The following RPS6KA2 variants were observed in gnomAD, a reference collection of about 807,000 sequenced individuals.
The protein encoded by RPS6KA2 is ribosomal protein S6 kinase alpha-2.
RPS6KA2 carries 42 observed loss-of-function variants against 91.8 expected under a neutral mutation model. The observed-to-expected ratio is 0.46, with a 90% CI of 0.36 to 0.59. The LOEUF is 0.59. RPS6KA2 is among the 20% of genes least tolerant of loss of function. The pLI is 0.00. For missense variants in RPS6KA2, 798 were observed against 978.5 expected, an observed-to-expected ratio of 0.82 and a Z score of 2.46; for synonymous variants, 414 against 393.6, an observed-to-expected ratio of 1.05 and a Z score of -0.61.
At position 166,715,476 on chromosome 6, in the gene RPS6KA2, C is replaced by T. The variant is rs114730455; in HGVS notation, c.123+142724G>A. 6.4e-3 allele frequency among the ~76,000 whole-genome samples: 980 copies of T among 152,244 alleles called. 4 individuals are homozygous for T. The highest frequency in any genetic ancestry group is 0.021 in the African/African-American group (891 of 41,544). On this transcript the variant is annotated intron_variant, in intron 2 of 21. Transcript: ENST00000503859. ...GCTTATCCTAGCAAATACTAAAATA[C>T]GATATTAATAATAGCACAAAAAGGC...
chr6:166,677,443 C>A (rs1203671409), intron 2 of RPS6KA2, among the ~76,000 whole-genome samples: 4 of 151,016 alleles, frequency 2.6e-5, no homozygotes, highest in African/African-American at 9.8e-5. Context: ...CTCACTGCAA[C>A]CTCCTCCTCC....
chr6:166,654,421 C>T (rs994836737), intron 2 of RPS6KA2, among the ~76,000 whole-genome samples: 7 of 151,276 alleles, frequency 4.6e-5, no homozygotes, highest in African/African-American at 1.5e-4. Flanking sequence ...GCCCCACTGC[C>T]AGCCGGGTGA....
exon 2 of RPS6KA2, chr6:166,858,253 C>T (rs1446087210): frequency 1.3e-6 from 2 of 1,537,730 alleles, no homozygotes; most frequent in Admixed American, 3.4e-5. Flanking sequence ...AGATCCTCCT[C>T]TGTGGTCTGA....
rs559143004 is a variant in RPS6KA2, at chr6:166,493,694, C to T, written c.748-2953G>A. ...GCTTCTGGGAAGGTAATTGGACAGACATAACGCAGTGCTTCTCAACTGGGG... is the reference window on the plus strand; with the variant it reads ...GCTTCTGGGAAGGTAATTGGACAGATATAACGCAGTGCTTCTCAACTGGGG... On this transcript the variant is annotated intron_variant, in intron 8 of 20. Coordinates refer to ENST00000265678, the MANE Select transcript of RPS6KA2 (RefSeq NM_021135.6). This position sits in a 1 kb window ranked among gnomAD's most constrained non-coding sequence, Gnocchi z 4.7. 6.6e-6 allele frequency among the ~76,000 whole-genome samples: 1 copy of T among 152,212 alleles called. No individual in the cohort carries two copies. The highest frequency in any genetic ancestry group is 1.5e-5 in the Non-Finnish European group (1 of 68,028).
chr6:166,778,321 A>G (rs981023718), intron 2 of RPS6KA2, among the ~76,000 whole-genome samples: 5 of 152,250 alleles, frequency 3.3e-5, no homozygotes, highest in African/African-American at 9.6e-5. Flanking sequence ...CATACCATAT[A>G]TATCAATACA....
At chr6:166,548,497 C>A (rs1783898623) in intron 1 of RPS6KA2, among the ~76,000 whole-genome samples, 2 of 152,096 alleles carry the variant, frequency 1.3e-5, no homozygotes, top group Admixed American at 1.3e-4. Flanking sequence ...GGGGTAGACA[C>A]ACAGATCAAT....
At chr6:166,861,682 C>A (rs758832393) in intron 1 of RPS6KA2, among the ~76,000 whole-genome samples, 26 of 152,210 alleles carry the variant, frequency 1.7e-4, no homozygotes, top group Non-Finnish European at 3.5e-4. Flanking sequence ...TTCCTTGATT[C>A]ATCATTGATT....
At position 166,459,542 on chromosome 6, in the gene RPS6KA2, G is replaced by A. The variant is rs755486763; in HGVS notation, c.982C>T (p.Arg328Trp). The A allele has an allele frequency of 5.6e-6, 9 of 1,612,436 alleles. No homozygotes were observed. Among genetic ancestry groups the A allele is most frequent in the African/African-American group, 2.7e-5 (2 of 74,858 alleles). ...TTGAACGGTGGCTTGATCTCCTTCC[G>A]GTACAGCGTCTATTAATACAAGGAA... Reference protein sequence around the residue: ...FVTIDWNTLYRKEIKPPFKPA... With the variant: ...FVTIDWNTLYWKEIKPPFKPA... Residue 328 changes from arginine (R) to tryptophan (W), a missense_variant, in exon 12 of 21, where the codon CGG becomes TGG. Physicochemically the swap from Arg to Trp is moderately radical, Grantham distance 101 (BLOSUM62 -3). Transcript: ENST00000265678. This position sits in a 1 kb window ranked among gnomAD's most constrained non-coding sequence, Gnocchi z 4.9.
chr6:166,450,603 G>A (rs148435155), intron 13 of RPS6KA2, among the ~76,000 whole-genome samples: 3 of 141,786 alleles, frequency 2.1e-5, no homozygotes, highest in Admixed American at 7.0e-5. Flanking sequence ...GGCCACCATG[G>A]GGAATATCCA....
intron 2 of RPS6KA2, among the ~76,000 whole-genome samples, chr6:166,727,085 C>T (rs1790359548): frequency 6.6e-6 from 1 of 152,094 alleles, no homozygotes; most frequent in African/African-American, 2.4e-5. Context: ...CATATCCCAA[C>T]AGTTCCCCAT....
intron 14 of RPS6KA2, among the ~76,000 whole-genome samples, chr6:166,438,340 A>G (rs1779409540): frequency 6.6e-6 from 1 of 152,190 alleles, no homozygotes; most frequent in Non-Finnish European, 1.5e-5. Flanking sequence ...CGTTCTTTTC[A>G]ACGGTCTCAC....
intron 2 of RPS6KA2, among the ~76,000 whole-genome samples, chr6:166,700,748 C>T (rs1481765112): frequency 6.6e-6 from 1 of 152,036 alleles, no homozygotes; most frequent in Non-Finnish European, 1.5e-5. Flanking sequence ...TTAGTGAAAG[C>T]ATCATTAAGC....
intron 6 of RPS6KA2, among the ~76,000 whole-genome samples, chr6:166,503,123 G>A (rs1782081032): frequency 6.6e-6 from 1 of 152,186 alleles, no homozygotes; most frequent in Admixed American, 6.5e-5. Context: ...AAGTGCTTAT[G>A]TGTGGAATTT....
chr6:166,649,968 G>A (rs1321449150), intron 2 of RPS6KA2, among the ~76,000 whole-genome samples: 1 of 152,140 alleles, frequency 6.6e-6, no homozygotes, highest in Non-Finnish European at 1.5e-5. Flanking sequence ...GCGGAGGGTA[G>A]AGAGAAGTAG....
chr6:166,522,756 G>C (rs529537135), intron 3 of RPS6KA2, among the ~76,000 whole-genome samples: 5 of 152,092 alleles, frequency 3.3e-5, no homozygotes, highest in African/African-American at 1.2e-4. Context: ...AGTAAAAAAC[G>C]GACTTCCACG....
intron 2 of RPS6KA2, among the ~76,000 whole-genome samples, chr6:166,745,158 T>C (rs1320203305): frequency 4.7e-5 from 7 of 149,776 alleles, no homozygotes; most frequent in African/African-American, 1.7e-4. Context: ...CTTTTTTTTT[T>C]TTTTTTTTTT....
At chr6:166,587,764 C>A (rs934909817) in intron 1 of RPS6KA2, among the ~76,000 whole-genome samples, 1 of 152,046 alleles carries the variant, frequency 6.6e-6, no homozygotes. Context: ...CAGCTGAAGG[C>A]GCTGAAACTA....
intron 10 of RPS6KA2, among the ~76,000 whole-genome samples, chr6:166,472,494 A>G (rs1031990510): frequency 2.0e-5 from 3 of 152,208 alleles, no homozygotes; most frequent in Non-Finnish European, 4.4e-5. Flanking sequence ...CTCAGCAAAA[A>G]GAGTCAACAG....
intron 1 of RPS6KA2, chr6:166,858,316 C>G (rs1223660122): frequency 8.4e-5 from 81 of 959,830 alleles, no homozygotes; most frequent in Non-Finnish European, 8.2e-6. Context: ...TTGTAGGTGG[C>G]CTCATACAGG....
Sources: gnomAD v4.1 joint callset for allele counts (sites outside exome capture counted in the v4.1 genomes callset) on GRCh38, gnomAD v4.1.1 for gene constraint, Gnocchi (gnomAD v3.1) non-coding constraint, MANE v1.5 for transcripts, NCBI Gene and HGNC (gene_info 2026-07-23, HGNC 2026-07-21) for gene names.